The following LCN15 variants were observed in gnomAD, a reference collection of about 807,000 sequenced individuals.
LCN15 encodes lipocalin 15.
A neutral mutation model predicts 23.1 loss-of-function variants in LCN15; 26 were observed. The ratio of observed to expected loss-of-function variants is 1.13; its 90% CI spans 0.82 to 1.56. The LOEUF is 1.56. Among genes scored for constraint, LCN15 ranks in the 40% most tolerant of loss-of-function variants. The pLI is 0.00. For missense variants in LCN15, 241 were observed against 239.5 expected (o/e 1.01, Z -0.04); for synonymous variants, 107 against 98.3 (o/e 1.09, Z -0.52).
rs745649021 is a variant in LCN15 at position 136,761,717 on chromosome 9, C to T, written c.*32+70G>A. 5.6e-6 allele frequency: 4 copies of T among 716,646 alleles called. No homozygotes were observed. The highest frequency in any genetic ancestry group is 4.3e-5 in the Admixed American group (1 of 23,156). The allele number at this position is 716,646 out of a possible 1,614,324, so 44.4% of individuals were successfully genotyped here. On this transcript the variant is annotated intron_variant, in intron 6 of 6. Coordinates refer to ENST00000316144, the MANE Select transcript of LCN15 (RefSeq NM_203347.2). This position sits in a 1 kb window ranked among gnomAD's most constrained non-coding sequence, Gnocchi z 4.2. Reference sequence around the variant, plus strand: ...CGGGGCAGGCATGGGGCAGACAGAACCAGATGTCAAGCTGCGATAGGGAGG... The same window carrying T: ...CGGGGCAGGCATGGGGCAGACAGAATCAGATGTCAAGCTGCGATAGGGAGG...
rs771625154 is a variant in LCN15 at position 136,764,467 on chromosome 9, C to T, written c.22G>A (p.Ala8Thr). Residue 8 changes from alanine to threonine, a missense_variant, in exon 1 of 7, where the codon GCA becomes ACA. By Grantham distance (58) the Ala-to-Thr change is moderately conservative. Coordinates refer to ENST00000316144, the MANE Select transcript of LCN15 (RefSeq NM_203347.2). Reference sequence around the variant, plus strand: ...GGCGCCCAGAGCAGGGTCAGGATTGCGCCGAGCAGGAATGACATCATCCCC... The same window carrying T: ...GGCGCCCAGAGCAGGGTCAGGATTGTGCCGAGCAGGAATGACATCATCCCC... Reference protein sequence around the residue: MMSFLLGAILTLLWAPTA... With the variant: MMSFLLGTILTLLWAPTA... 3.2e-5 allele frequency: 51 copies of T among 1,612,832 alleles called. No homozygotes were observed. Among genetic ancestry groups the T allele is most frequent in the African/African-American group, 5.3e-5 (4 of 74,908 alleles).
rs748777563 is a variant in LCN15, at chr9:136,764,445, G to A, written c.44C>T (p.Ala15Val). 34 of 1,613,174 alleles carry A rather than the reference G, an allele frequency of 2.1e-5. No homozygotes were observed. Among genetic ancestry groups the A allele is most frequent in the African/African-American group, 5.3e-5 (4 of 74,996 alleles). The stretch of plus-strand genomic sequence containing the variant: ...CAGAACCTCAGCCTGAGCCGTGGGC[G>A]CCCAGAGCAGGGTCAGGATTGCGCC... ...LLGAILTLLWAPTAQAEVLLQ... is the reference protein window; with the variant it reads ...LLGAILTLLWVPTAQAEVLLQ... The change falls in exon 1 of 7, where the codon GCG becomes GTG. Residue 15 changes from alanine to valine, a missense_variant. Physicochemically the swap from Ala to Val is moderately conservative, Grantham distance 64. Transcript: ENST00000316144.
At position 136,761,659 on chromosome 9, in the gene LCN15, A is replaced by G. The variant is rs953916469; in HGVS notation, c.*32+128T>C. On this transcript the variant is annotated intron_variant, in intron 6 of 6. Coordinates refer to ENST00000316144, the MANE Select transcript of LCN15 (RefSeq NM_203347.2). The surrounding 1 kb of genome is among the most constrained non-coding windows in gnomAD (Gnocchi z 4.2). ...CCTGGAAGAGGTAATGTCTAAGCTG[A>G]GGCCTGAAGCATGGGGTCGCCAGGC... 16 of 420,110 alleles carry G rather than the reference A, an allele frequency of 3.8e-5. No homozygotes were observed. Among genetic ancestry groups the G allele is most frequent in the African/African-American group, 2.0e-4 (10 of 49,008 alleles). 26.0% of individuals were successfully genotyped at this position (420,110 alleles called of 1,614,324 possible).
intron 4 of LCN15, among the ~76,000 whole-genome samples, chr9:136,762,860 T>C (rs1249883390): frequency 1.4e-5 from 2 of 141,960 alleles, no homozygotes; most frequent in African/African-American, 5.3e-5. Context: ...GAGTCGGAGG[T>C]TGCAGTGAGC....
intron 6 of LCN15, among the ~76,000 whole-genome samples, chr9:136,760,852 A>T (rs1847309690): frequency 6.6e-6 from 1 of 152,214 alleles, no homozygotes; most frequent in Non-Finnish European, 1.5e-5. Flanking sequence ...CCAAAACTTC[A>T]GGCCCACCTG....
At position 136,762,224 on chromosome 9, in the gene LCN15, GC is replaced by G. The variant is rs1327938421; in HGVS notation, c.483del (p.Leu162SerfsTer5). The G allele has an allele frequency of 1.2e-6, 2 of 1,600,120 alleles. No individual in the cohort carries two copies. Among genetic ancestry groups the G allele is most frequent in the South Asian group, 2.2e-5 (2 of 89,232 alleles). ...AGCATGACCATCATGTCCTTGGGGA[GC>G]CCCAGGGTCGGGTAGAAGTCCTGGA... ...KSFQDFYPTL[G>X]LPKDMMVMLP... On this transcript the variant is annotated frameshift_variant, in exon 5 of 7. Coordinates refer to ENST00000316144, the MANE Select transcript of LCN15 (RefSeq NM_203347.2). LOFTEE classifies it high-confidence loss of function.
In LCN15 at chr9:136,763,859, A is replaced by C; in HGVS notation, c.236+11T>G. 1 of 1,613,366 alleles carries C rather than the reference A, an allele frequency of 6.2e-7. No individual in the cohort carries two copies. Among genetic ancestry groups the C allele is most frequent in the Non-Finnish European group, 8.5e-7 (1 of 1,179,818 alleles). ...CAGCCCAGCCCAGGCAGCCCAGCCC[A>C]AGTAACTCACCCCGGGAACTCCATG... On this transcript the variant is annotated intron_variant, in intron 2 of 6. Transcript: ENST00000316144.
At chr9:136,763,649 G>C in intron 3 of LCN15, 64 bp downstream of exon 3, 1 of 1,566,796 alleles carries the variant, frequency 6.4e-7, no homozygotes, top group South Asian at 1.1e-5. Context: ...TGGAAAGTCA[G>C]CCCCACGTCA....
At position 136,761,691 on chromosome 9, in the gene LCN15, GC is replaced by G. The variant is rs1234056045; in HGVS notation, c.*32+95del. 5 of 519,190 alleles carry G rather than the reference GC, an allele frequency of 9.6e-6. No homozygotes were observed. The African/African-American group carries it at 9.8e-5, about 10-fold the overall frequency. 32.2% of individuals were successfully genotyped at this position (519,190 alleles called of 1,614,324 possible). Reference sequence around the variant, plus strand: ...AAGCATGGGGTCGCCAGGCAGAACAGCGGGGCAGGCATGGGGCAGACAGAAC... The same window carrying G: ...AAGCATGGGGTCGCCAGGCAGAACAGGGGGCAGGCATGGGGCAGACAGAAC... On this transcript the variant is annotated intron_variant, in intron 6 of 6. Coordinates refer to ENST00000316144, the MANE Select transcript of LCN15 (RefSeq NM_203347.2). This position sits in a 1 kb window ranked among gnomAD's most constrained non-coding sequence, Gnocchi z 4.2.
At position 136,763,992 on chromosome 9, in the gene LCN15, G is replaced by T; in HGVS notation, c.114C>A (p.Tyr38Ter). The T allele has an allele frequency of 6.2e-7, 1 of 1,613,198 alleles. No individual in the cohort carries two copies. The highest frequency in any genetic ancestry group is 2.2e-5 in the East Asian group (1 of 44,884). Residue 38 changes from tyrosine (Y) to a stop codon, truncating the protein, a stop_gained, in exon 2 of 7, where the codon TAC becomes TAA. Coordinates refer to ENST00000316144, the MANE Select transcript of LCN15 (RefSeq NM_203347.2). LOFTEE classifies it high-confidence loss of function. The stretch of plus-strand genomic sequence containing the variant: ...TGCAGTCAGATGCCATGGAGACCAC[G>T]TACCAGAGGCCTGAGAACTGCCGGG... Reference protein sequence around the residue: ...FNAEKFSGLWYVVSMASDCRV... With the variant: ...FNAEKFSGLW
rs1847351177 is a variant in LCN15 at position 136,763,904 on chromosome 9, C to G, written c.202G>C (p.Glu68Gln). Residue 68 changes from glutamate to glutamine, a missense_variant, in exon 2 of 7, where the codon GAG (glutamate) becomes CAG (glutamine). Coordinates refer to ENST00000316144, the MANE Select transcript of LCN15 (RefSeq NM_203347.2). Reference protein sequence around the residue: ...MSTRAIRPTEEGGLHVHMEFP... With the variant: ...MSTRAIRPTEQGGLHVHMEFP... ...TCCATGTGGACGTGGAGGCCGCCCT[C>G]CTCTGTGGGCCTGATGGCCCTGGTG... 1 of 1,613,728 alleles carries G rather than the reference C, an allele frequency of 6.2e-7. No homozygotes were observed.
chr9:136,761,696 G>T lies in LCN15; in HGVS notation c.*32+91C>A. 1 of 539,272 alleles carries T rather than the reference G, an allele frequency of 1.9e-6. No individual in the cohort carries two copies. The highest frequency in any genetic ancestry group is 2.8e-6 in the Non-Finnish European group (1 of 351,580). The allele number at this position is 539,272 out of a possible 1,614,324, so 33.4% of individuals were successfully genotyped here. On this transcript the variant is annotated intron_variant, in intron 6 of 6. Coordinates refer to ENST00000316144, the MANE Select transcript of LCN15 (RefSeq NM_203347.2). This position sits in a 1 kb window ranked among gnomAD's most constrained non-coding sequence, Gnocchi z 4.2. ...TGGGGTCGCCAGGCAGAACAGCGGG[G>T]CAGGCATGGGGCAGACAGAACCAGA...
At position 136,761,294 on chromosome 9, in the gene LCN15, CTT is replaced by C. The variant is rs1327468120; in HGVS notation, c.*32+491_*32+492del. ...GTTTGTTTTGAGATGGAGTTTCTCT[CTT>C]GTCACCCAGGCTGGACTGTAATGGT... On this transcript the variant is annotated intron_variant, in intron 6 of 6. Coordinates refer to ENST00000316144, the MANE Select transcript of LCN15 (RefSeq NM_203347.2). This position sits in a 1 kb window ranked among gnomAD's most constrained non-coding sequence, Gnocchi z 4.2. Among the ~76,000 whole-genome samples, 2 of 152,282 alleles carry C rather than the reference CTT, an allele frequency of 1.3e-5. No individual in the cohort carries two copies. The highest frequency in any genetic ancestry group is 1.9e-4 in the East Asian group (1 of 5,184).
intron 1 of LCN15, 49 bp from the exon 2 acceptor site, chr9:136,764,058 C>A (rs1847353679): frequency 6.3e-7 from 1 of 1,596,364 alleles, no homozygotes; most frequent in Non-Finnish European, 8.5e-7. Flanking sequence ...GCAGCAGGGC[C>A]CTCCTTGCCC....
Position 136,761,706 on chromosome 9 carries a change from G to A in LCN15, c.*32+81C>T. 1 of 615,320 alleles carries A rather than the reference G, an allele frequency of 1.6e-6. No homozygotes were observed. Among genetic ancestry groups the A allele is most frequent in the Non-Finnish European group, 2.4e-6 (1 of 420,388 alleles). The allele number at this position is 615,320 out of a possible 1,614,324, so 38.1% of individuals were successfully genotyped here. A position where few individuals can be genotyped will look rare whatever the true frequency, so the allele number is the denominator to read the frequency against. ...AGGCAGAACAGCGGGGCAGGCATGG[G>A]GCAGACAGAACCAGATGTCAAGCTG... is the stretch of plus-strand genomic sequence containing the variant. On this transcript the variant is annotated intron_variant, in intron 6 of 6. Coordinates refer to ENST00000316144, the MANE Select transcript of LCN15 (RefSeq NM_203347.2). The surrounding 1 kb of genome is among the most constrained non-coding windows in gnomAD (Gnocchi z 4.2).
Position 136,761,702 on chromosome 9 carries a change from A to G in LCN15, c.*32+85T>C. On this transcript the variant is annotated intron_variant, in intron 6 of 6. Transcript: ENST00000316144. This position sits in a 1 kb window ranked among gnomAD's most constrained non-coding sequence, Gnocchi z 4.2. ...CGCCAGGCAGAACAGCGGGGCAGGCATGGGGCAGACAGAACCAGATGTCAA... is the reference window on the plus strand; with the variant it reads ...CGCCAGGCAGAACAGCGGGGCAGGCGTGGGGCAGACAGAACCAGATGTCAA... The G allele has an allele frequency of 1.7e-6, 1 of 579,300 alleles. No individual in the cohort carries two copies. Among genetic ancestry groups the G allele is most frequent in the Non-Finnish European group, 2.6e-6 (1 of 388,180 alleles). The allele number at this position is 579,300 out of a possible 1,614,324, so 35.9% of individuals were successfully genotyped here. A position where few individuals can be genotyped will look rare whatever the true frequency, so the allele number is the denominator to read the frequency against.
In LCN15 at chr9:136,763,386, C is replaced by G; in HGVS notation, c.389G>C (p.Gly130Ala). 1 of 1,602,324 alleles carries G rather than the reference C, an allele frequency of 6.2e-7. No individual in the cohort carries two copies. The highest frequency in any genetic ancestry group is 8.5e-7 in the Non-Finnish European group (1 of 1,174,748). ...GAGCTGCACCATGGTGCTGAGGGCC[C>G]CCTCCAGCTCCTTGTAGATGTAAAG... ...AVLYIYKELE[G>A]ALSTMVQLYS... Residue 130 changes from glycine to alanine, a missense_variant, in exon 4 of 7, where the codon GGG becomes GCG. Gly to Ala is a moderately conservative substitution (Grantham distance 60, BLOSUM62 0). Transcript: ENST00000316144.
chr9:136,763,596 C>T lies in LCN15; in HGVS notation c.307+117G>A, dbSNP rs921667854. The T allele has an allele frequency of 7.7e-6, 8 of 1,036,266 alleles. No individual in the cohort carries two copies. In the Admixed American group the frequency reaches 1.2e-4, roughly 15 times the overall value. 64.2% of individuals were successfully genotyped at this position (1,036,266 alleles called of 1,614,324 possible). On this transcript the variant is annotated intron_variant, in intron 3 of 6. Transcript: ENST00000316144. ...GAAGACAGAGGAGGGGCGGGGAGGG[C>T]GGGCAGGGGGCTGGAGACTGGGATG... is the stretch of plus-strand genomic sequence containing the variant.
chr9:136,764,007 G>A lies in LCN15; in HGVS notation c.99C>T (p.Phe33=), dbSNP rs1200460866. 3 of 1,612,674 alleles carry A rather than the reference G, an allele frequency of 1.9e-6. No homozygotes were observed. Among genetic ancestry groups the A allele is most frequent in the Non-Finnish European group, 1.7e-6 (2 of 1,179,812 alleles). Reference sequence around the variant, plus strand: ...TGGAGACCACGTACCAGAGGCCTGAGAACTGCCGGGGGCTTAGTCACCCGC... The same window carrying A: ...TGGAGACCACGTACCAGAGGCCTGAAAACTGCCGGGGGCTTAGTCACCCGC... ...LLQPDFNAEK[F]SGLWYVVSMA... is the part of the protein sequence containing the mutation. Residue 33 remains phenylalanine, a splice_region_variant and synonymous_variant, in exon 2 of 7, where the codon TTC becomes TTT. Transcript: ENST00000316144.
Sources: gnomAD v4.1 joint callset for allele counts (sites outside exome capture counted in the v4.1 genomes callset) on GRCh38, gnomAD v4.1.1 for gene constraint, Gnocchi (gnomAD v3.1) non-coding constraint, MANE v1.5 for transcripts, NCBI Gene and HGNC (gene_info 2026-07-23, HGNC 2026-07-21) for gene names.